The following PXDN variants were observed in gnomAD, a reference collection of about 807,000 sequenced individuals.
The protein encoded by PXDN is peroxidasin homolog.
Under a neutral mutation model 140.3 loss-of-function variants are expected in PXDN, and 77 were observed. The ratio of observed to expected loss-of-function variants is 0.55; its 90% CI spans 0.46 to 0.66. The LOEUF is 0.66. Among genes scored for constraint, PXDN ranks in the 30% least tolerant of loss-of-function variants. PXDN has a pLI of 0.00. For synonymous variants in PXDN, 911 were observed against 857.4 expected (o/e 1.06, Z -1.09); for missense variants, 1,838 against 2,039.5 (o/e 0.90, Z 1.90).
In PXDN at chr2:1,680,184, G is replaced by A. The variant is rs1473037982; in HGVS notation, c.730+9C>T. On this transcript the variant is annotated intron_variant, in intron 7 of 22. Transcript: ENST00000252804. ...TGTGTGGATGGTGTGTGCGTGTCGG[G>A]CCACTCACCACAGTTCAGCTCTTCC... The A allele has an allele frequency of 9.0e-6, 14 of 1,551,412 alleles. No homozygotes were observed. The East Asian group carries it at 1.5e-4, about 16-fold the overall frequency.
At chr2:1,655,908 A>G (rs1184940841) in intron 14 of PXDN, among the ~76,000 whole-genome samples, 1 of 151,768 alleles carries the variant, frequency 6.6e-6, no homozygotes, top group Non-Finnish European at 1.5e-5. Flanking sequence ...CACGACACAC[A>G]CATCACATTA....
chr2:1,738,333 C>T (rs1352501393), intron 1 of PXDN, among the ~76,000 whole-genome samples: 1 of 152,098 alleles, frequency 6.6e-6, no homozygotes, highest in African/African-American at 2.4e-5. Flanking sequence ...TGAGTAGGAG[C>T]GGGGAAGATC....
At position 1,687,677 on chromosome 2, in the gene PXDN, G is replaced by T; in HGVS notation, c.371C>A (p.Ser124Ter). 6.5e-7 allele frequency: 1 copy of T among 1,532,916 alleles called. No homozygotes were observed. The highest frequency in any genetic ancestry group is 1.1e-5 in the South Asian group (1 of 87,626). The allele number at this position is 1,532,916 out of a possible 1,614,324, so 95.0% of individuals were successfully genotyped here. The part of the protein sequence containing the change: ...YLYLYKNEIQ[S>*]IDRQAFKGLA... Reference sequence around the variant, plus strand: ...TCCCTTAAATGCTTGCCTGTCAATTGACTGGATCTCATTCTTGTACAGATA... The same window carrying T: ...TCCCTTAAATGCTTGCCTGTCAATTTACTGGATCTCATTCTTGTACAGATA... Residue 124 changes from serine (S) to a stop codon, truncating the protein, a stop_gained, in exon 4 of 23, where the codon TCA (serine) becomes TAA (stop). Coordinates refer to ENST00000252804, the MANE Select transcript of PXDN (RefSeq NM_012293.3). LOFTEE classifies it high-confidence loss of function. This position sits in a 1 kb window ranked among gnomAD's most constrained non-coding sequence, Gnocchi z 4.0.
At chr2:1,690,613 G>C (rs1684162794) in intron 3 of PXDN, among the ~76,000 whole-genome samples, 1 of 119,538 alleles carries the variant, frequency 8.4e-6, no homozygotes, top group Admixed American at 1.0e-4. Flanking sequence ...GGAAACAAAA[G>C]CCCTCTTCTG....
intron 1 of PXDN, among the ~76,000 whole-genome samples, chr2:1,699,474 C>T (rs142112715): frequency 2.0e-5 from 3 of 152,166 alleles, no homozygotes; most frequent in East Asian, 1.9e-4. Context: ...TTTGGGAGGC[C>T]GAGGCCGGCG....
Position 1,655,068 on chromosome 2 carries a change from C to T in PXDN, c.1838-560G>A, listed in dbSNP as rs371735933. On this transcript the variant is annotated intron_variant, in intron 14 of 22. Transcript: ENST00000252804. ...CACACAATCACATTATACACACAGG[C>T]GCACACACACCACCTACATAGAACA... Among the ~76,000 whole-genome samples, 192 of 151,358 alleles carry T rather than the reference C, an allele frequency of 1.3e-3. 4 individuals are homozygous for T. The highest frequency in any genetic ancestry group is 4.3e-3 in the African/African-American group (179 of 41,222).
chr2:1,638,769 A>G, intron 21 of PXDN, 77 bp downstream of exon 21: 1 of 1,591,302 alleles, frequency 6.3e-7, no homozygotes, highest in East Asian at 2.2e-5. Context: ...ATAAAATGCT[A>G]TACCCAGAAG....
chr2:1,654,123 T>G, intron 15 of PXDN: 1 of 488,160 alleles, frequency 2.0e-6, no homozygotes. Context: ...CCAAATCATT[T>G]AGTCATAAGC....
chr2:1,676,553 C>T, intron 8 of PXDN: 1 of 266,040 alleles, frequency 3.8e-6, no homozygotes. Flanking sequence ...GTCACAATGC[C>T]CCAGGTCAAG....
At chr2:1,735,635 T>C (rs897302569) in intron 1 of PXDN, among the ~76,000 whole-genome samples, 8 of 152,200 alleles carry the variant, frequency 5.3e-5, no homozygotes, top group African/African-American at 1.7e-4. Context: ...CAAACAAATA[T>C]GCTGTCATCC....
intron 6 of PXDN, among the ~76,000 whole-genome samples, chr2:1,682,309 T>C (rs1683925383): frequency 6.6e-6 from 1 of 152,268 alleles, no homozygotes; most frequent in Non-Finnish European, 1.5e-5. Flanking sequence ...CTACCCAGGA[T>C]GTAGTTTTTA....
chr2:1,728,341 C>T (rs1685238155), intron 1 of PXDN, among the ~76,000 whole-genome samples: 1 of 152,272 alleles, frequency 6.6e-6, no homozygotes, highest in African/African-American at 2.4e-5. Context: ...GGCAGGGTCC[C>T]TGGGCCCTCA....
chr2:1,663,924 AC>A, intron 11 of PXDN, 161 bp from the exon 12 acceptor site: 1 of 769,258 alleles, frequency 1.3e-6, no homozygotes, highest in Non-Finnish European at 2.1e-6. Context: ...CCCAGCAGAC[AC>A]CATGGTGACA....
intron 14 of PXDN, among the ~76,000 whole-genome samples, chr2:1,656,507 C>G (rs1269657676): frequency 6.6e-6 from 1 of 152,120 alleles, no homozygotes; most frequent in Non-Finnish European, 1.5e-5. Context: ...CCCCTCTTGA[C>G]AGAGACCTGC....
In PXDN at chr2:1,685,494, T is replaced by C. The variant is rs1684031864; in HGVS notation, c.417-1343A>G. On this transcript the variant is annotated intron_variant, in intron 4 of 22. Transcript: ENST00000252804. The surrounding 1 kb of genome is among the most constrained non-coding windows in gnomAD (Gnocchi z 5.1). The stretch of plus-strand genomic sequence containing the variant: ...ACAGCCCATGGCAGCTGGGGACCGA[T>C]GTAAGACCCAGGCACCACCACGGCA... Among the ~76,000 whole-genome samples the C allele has an allele frequency of 6.6e-6, 1 of 151,964 alleles. No homozygotes were observed. Among genetic ancestry groups the C allele is most frequent in the African/African-American group, 2.4e-5 (1 of 41,354 alleles).
intron 1 of PXDN, among the ~76,000 whole-genome samples, chr2:1,735,925 T>TA (rs1448759588): frequency 6.6e-6 from 1 of 152,258 alleles, no homozygotes; most frequent in Non-Finnish European, 1.5e-5. Flanking sequence ...TAATCACTGA[T>TA]ACTAGCTAGA....
At chr2:1,683,522 C>T (rs1411670237) in intron 6 of PXDN, 134 bp downstream of exon 6, 2 of 829,066 alleles carry the variant, frequency 2.4e-6, no homozygotes, top group South Asian at 2.0e-5. Context: ...TCAATCCACC[C>T]TCCATATATT....
At chr2:1,708,606 T>G (rs1386977189) in intron 1 of PXDN, among the ~76,000 whole-genome samples, 1 of 152,122 alleles carries the variant, frequency 6.6e-6, no homozygotes, top group Non-Finnish European at 1.5e-5. Flanking sequence ...CCTGATGCAG[T>G]CACGCACCCA....
Position 1,648,099 on chromosome 2 carries a change from A to C in PXDN, c.3608+73T>G. On this transcript the variant is annotated intron_variant, in intron 17 of 22. Transcript: ENST00000252804. This position sits in a 1 kb window ranked among gnomAD's most constrained non-coding sequence, Gnocchi z 8.9. The stretch of plus-strand genomic sequence containing the variant: ...CAAAACTCACACACAGAGACAAATA[A>C]CACACACACCACAGTTCAGGTGTTC... The C allele has an allele frequency of 6.6e-7, 1 of 1,523,522 alleles. No homozygotes were observed. The highest frequency in any genetic ancestry group is 1.4e-5 in the African/African-American group (1 of 72,486). 94.4% of individuals were successfully genotyped at this position (1,523,522 alleles called of 1,614,324 possible).
Sources: gnomAD v4.1 joint callset for allele counts (sites outside exome capture counted in the v4.1 genomes callset) on GRCh38, gnomAD v4.1.1 for gene constraint, Gnocchi (gnomAD v3.1) non-coding constraint, MANE v1.5 for transcripts, NCBI Gene and HGNC (gene_info 2026-07-23, HGNC 2026-07-21) for gene names.